The following DCC variants were observed in gnomAD, a reference collection of about 807,000 sequenced individuals.
The protein encoded by DCC is netrin receptor DCC.
DCC carries 58 observed loss-of-function variants against 172.5 expected under a neutral mutation model. The observed-to-expected ratio is 0.34, with a 90% confidence interval of 0.27 to 0.42. DCC has a LOEUF of 0.42. DCC is among the 10% of genes least tolerant of loss of function. DCC has a pLI of 1.00. For synonymous variants in DCC, 709 were observed against 644.5 expected (o/e 1.10, Z -1.52); for missense variants, 1,740 against 1,791.0 (o/e 0.97, Z 0.51).
At chr18:52,534,386 C>A (rs935797244) in intron 1 of DCC, among the ~76,000 whole-genome samples, 1 of 151,952 alleles carries the variant, frequency 6.6e-6, no homozygotes. Context: ...AATTTTAATA[C>A]CTCCATTTCC....
At chr18:53,025,355 C>T (rs1418264399) in intron 5 of DCC, among the ~76,000 whole-genome samples, 2 of 152,092 alleles carry the variant, frequency 1.3e-5, no homozygotes, top group African/African-American at 2.4e-5. Context: ...GGGTAGATTT[C>T]TAGTGATGTA....
At chr18:52,835,440 G>T (rs528958873) in intron 2 of DCC, among the ~76,000 whole-genome samples, 1 of 152,190 alleles carries the variant, frequency 6.6e-6, no homozygotes, top group African/African-American at 2.4e-5. Context: ...CATTTGTTTT[G>T]CTCAGGAGTT....
At chr18:53,032,296 C>G (rs1426306957) in intron 5 of DCC, among the ~76,000 whole-genome samples, 5 of 151,942 alleles carry the variant, frequency 3.3e-5, no homozygotes, top group African/African-American at 1.2e-4. Context: ...TATTAAAAGC[C>G]CTTTTACCTG....
intron 2 of DCC, 55 bp downstream of exon 2, chr18:52,752,429 A>AT: frequency 4.5e-6 from 6 of 1,345,392 alleles, no homozygotes; most frequent in Non-Finnish European, 5.3e-6. Flanking sequence ...CTTCTTATTC[A>AT]TTTTTGGGGA....
At chr18:53,490,445 AATT>A (rs1425367287) in intron 26 of DCC, among the ~76,000 whole-genome samples, 1 of 152,204 alleles carries the variant, frequency 6.6e-6, no homozygotes, top group Non-Finnish European at 1.5e-5. Flanking sequence ...ATTCTGTAGC[AATT>A]ATTTATATGT....
chr18:52,340,654 GA>G lies in DCC; in HGVS notation c.-132del. 1.3e-6 allele frequency: 1 copy of G among 774,486 alleles called. No individual in the cohort carries two copies. The highest frequency in any genetic ancestry group is 2.4e-5 in the East Asian group (1 of 41,046). The allele number at this position is 774,486 out of a possible 1,614,324, so 48.0% of individuals were successfully genotyped here. The stretch of plus-strand genomic sequence containing the variant: ...AGGGGAGGTGGAGAAAGAGGTGGAG[GA>G]AGAGGACGAGGAGGAGGAGGAAGCC... On this transcript the variant is annotated 5_prime_UTR_variant, in exon 1 of 29. Transcript: ENST00000442544.
intron 15 of DCC, among the ~76,000 whole-genome samples, chr18:53,375,518 T>C (rs1445845299): frequency 6.6e-6 from 1 of 152,190 alleles, no homozygotes; most frequent in Non-Finnish European, 1.5e-5. Context: ...TTTAAAATAA[T>C]GATTTGTTTG....
At chr18:52,397,986 GC>G (rs1467116781) in intron 1 of DCC, among the ~76,000 whole-genome samples, 1 of 151,958 alleles carries the variant, frequency 6.6e-6, no homozygotes, top group Non-Finnish European at 1.5e-5. Context: ...TGATTTGTTT[GC>G]TTTTAAGTAA....
chr18:52,579,628 C>A (rs2033497293), intron 1 of DCC, among the ~76,000 whole-genome samples: 1 of 152,214 alleles, frequency 6.6e-6, no homozygotes, highest in South Asian at 2.1e-4. Context: ...ACCAAGAAAC[C>A]AAGGCTCAAG....
chr18:53,255,922 G>A (rs527302690), intron 12 of DCC, among the ~76,000 whole-genome samples: 4 of 152,234 alleles, frequency 2.6e-5, no homozygotes, highest in Non-Finnish European at 5.9e-5. Flanking sequence ...GTGTGAGATG[G>A]TATCTCATTG....
chr18:53,433,439 T>A (rs1238829173), intron 21 of DCC, among the ~76,000 whole-genome samples: 2 of 152,222 alleles, frequency 1.3e-5, no homozygotes, highest in Non-Finnish European at 2.9e-5. Flanking sequence ...TTCCAGCCGA[T>A]ACAGGATTAT....
intron 15 of DCC, among the ~76,000 whole-genome samples, chr18:53,374,059 C>T (rs893051790): frequency 6.6e-6 from 1 of 152,138 alleles, no homozygotes; most frequent in Admixed American, 6.6e-5. Flanking sequence ...GCAACTACAG[C>T]AATGCCATGG....
chr18:53,249,717 A>G (rs1315331906), intron 12 of DCC, among the ~76,000 whole-genome samples: 1 of 152,034 alleles, frequency 6.6e-6, no homozygotes, highest in Admixed American at 6.6e-5. Flanking sequence ...CACATTTTAA[A>G]AAACAATATT....
At chr18:53,430,337 C>T (rs1253686592) in intron 21 of DCC, among the ~76,000 whole-genome samples, 2 of 152,114 alleles carry the variant, frequency 1.3e-5, no homozygotes, top group Admixed American at 1.3e-4. Context: ...TCCTGGATGA[C>T]CCTCTCTTAT....
chr18:53,255,707 T>C lies in DCC; in HGVS notation c.1911+40110T>C, dbSNP rs555637463. 1.0e-3 allele frequency among the ~76,000 whole-genome samples: 159 copies of C among 152,310 alleles called. 2 individuals carry two copies. The highest frequency in any genetic ancestry group is 3.7e-3 in the African/African-American group (153 of 41,562). On this transcript the variant is annotated intron_variant, in intron 12 of 28. Transcript: ENST00000442544. ...CATGTCTTTATAGCAGCATGTTTTATATTCCTTTGGGTATATACCCAGTAA... is the reference window on the plus strand; with the variant it reads ...CATGTCTTTATAGCAGCATGTTTTACATTCCTTTGGGTATATACCCAGTAA...
intron 14 of DCC, among the ~76,000 whole-genome samples, chr18:53,325,118 G>A (rs754769802): frequency 3.3e-5 from 5 of 150,916 alleles, no homozygotes; most frequent in African/African-American, 7.3e-5. Context: ...GCTTGAACCC[G>A]GGAGGCAGAG....
chr18:52,990,809 G>T (rs1422162314), intron 5 of DCC, among the ~76,000 whole-genome samples: 2 of 152,118 alleles, frequency 1.3e-5, no homozygotes, highest in Non-Finnish European at 2.9e-5. Flanking sequence ...ACAGACCACA[G>T]TGTGCCAGAT....
chr18:53,283,760 C>T (rs930542445), intron 12 of DCC, among the ~76,000 whole-genome samples: 1 of 152,158 alleles, frequency 6.6e-6, no homozygotes, highest in Non-Finnish European at 1.5e-5. Context: ...TTTCCAAAAA[C>T]AAAGAACATG....
At chr18:52,714,360 T>TAAAA (rs535885050) in intron 1 of DCC, among the ~76,000 whole-genome samples, 31 of 152,314 alleles carry the variant, frequency 2.0e-4, no homozygotes, top group African/African-American at 7.5e-4. Flanking sequence ...AATGATCATA[T>TAAAA]AAAACTCAGC....
Sources: allele counts gnomAD v4.1 joint callset (sites outside exome capture counted in the v4.1 genomes callset), GRCh38; gene constraint gnomAD v4.1.1; transcripts MANE v1.5; gene names NCBI Gene and HGNC (gene_info 2026-07-23, HGNC 2026-07-21).